The following TXNDC16 variants were observed in gnomAD, a reference collection of about 807,000 sequenced individuals.
The protein encoded by TXNDC16 is thioredoxin domain containing 16, also known as thioredoxin domain-containing protein 16.
TXNDC16 carries 74 observed loss-of-function variants against 85.6 expected under a neutral mutation model. That is an observed-to-expected ratio of 0.86 (90% CI 0.72 to 1.05). TXNDC16 has a LOEUF of 1.05. Among genes scored for constraint, TXNDC16 ranks in the 50% least tolerant of loss-of-function variants. The probability of loss-of-function intolerance (pLI) is 0.00; values close to 1 mark genes in which losing one functional copy is unlikely to be tolerated. For synonymous variants in TXNDC16, 335 were observed against 326.5 expected, an observed-to-expected ratio of 1.03 and a Z score of -0.28; for missense variants, 959 against 947.0, an observed-to-expected ratio of 1.01 and a Z score of -0.17.
chr14:52,456,105 T>C (rs2035527397), intron 17 of TXNDC16, among the ~76,000 whole-genome samples: 1 of 152,246 alleles, frequency 6.6e-6, no homozygotes, highest in Non-Finnish European at 1.5e-5. Context: ...AAGAAAGCTT[T>C]GTGTAAAATT....
intron 9 of TXNDC16, among the ~76,000 whole-genome samples, chr14:52,500,604 G>A (rs963007369): frequency 6.6e-5 from 10 of 152,012 alleles, no homozygotes; most frequent in Non-Finnish European, 1.3e-4. Flanking sequence ...AATCTTACAC[G>A]GTTTTTACAA....
At chr14:52,544,867 T>A (rs192311969) in intron 1 of TXNDC16, among the ~76,000 whole-genome samples, 2 of 152,048 alleles carry the variant, frequency 1.3e-5, no homozygotes, top group Non-Finnish European at 2.9e-5. Flanking sequence ...AAGAGGTATA[T>A]AAAAATGCAA....
At chr14:52,542,090 A>G (rs2037843292) in intron 4 of TXNDC16, among the ~76,000 whole-genome samples, 1 of 152,164 alleles carries the variant, frequency 6.6e-6, no homozygotes, top group African/African-American at 2.4e-5. Flanking sequence ...ACCTAACTAT[A>G]GGTTTGAAAA....
intron 9 of TXNDC16, among the ~76,000 whole-genome samples, chr14:52,510,643 C>A (rs1369522250): frequency 1.3e-5 from 2 of 152,206 alleles, no homozygotes; most frequent in African/African-American, 4.8e-5. Context: ...AATACACATG[C>A]ACCACTTTTA....
intron 4 of TXNDC16, among the ~76,000 whole-genome samples, chr14:52,540,715 T>C (rs993657303): frequency 3.3e-5 from 5 of 152,308 alleles, no homozygotes; most frequent in African/African-American, 1.2e-4. Context: ...AAATGACTTG[T>C]GAATGTGTTT....
chr14:52,432,624 A>G lies in TXNDC16; in HGVS notation c.2195-37T>C, dbSNP rs778284179. On this transcript the variant is annotated intron_variant, in intron 20 of 20. Coordinates refer to ENST00000281741, the MANE Select transcript of TXNDC16 (RefSeq NM_020784.3). Reference sequence around the variant, plus strand: ...AAACAATCAAAGGTTAAAGATTAACAGCTATAAATCGTCACATCAACATAT... The same window carrying G: ...AAACAATCAAAGGTTAAAGATTAACGGCTATAAATCGTCACATCAACATAT... The G allele has an allele frequency of 3.3e-6, 5 of 1,538,322 alleles. No individual in the cohort carries two copies. In the Admixed American group the frequency reaches 1.1e-4, roughly 33 times the overall value.
intron 4 of TXNDC16, among the ~76,000 whole-genome samples, 155 bp downstream of exon 4, chr14:52,542,216 C>G (rs1006822384): frequency 3.3e-5 from 5 of 152,078 alleles, no homozygotes; most frequent in Admixed American, 3.3e-4. Context: ...TAACCTGAAA[C>G]TATCTTTCTG....
chr14:52,456,054 C>A (rs2035526064), intron 17 of TXNDC16, among the ~76,000 whole-genome samples: 1 of 152,186 alleles, frequency 6.6e-6, no homozygotes, highest in Admixed American at 6.5e-5. Flanking sequence ...CTCCCACAAT[C>A]CCTTTCGCTA....
intron 16 of TXNDC16, among the ~76,000 whole-genome samples, chr14:52,463,459 C>T (rs1594699080): frequency 6.6e-6 from 1 of 152,134 alleles, no homozygotes; most frequent in African/African-American, 2.4e-5. Context: ...ATCAAAGAAC[C>T]ATTTGCGGCT....
At chr14:52,528,979 A>G (rs948112371) in intron 6 of TXNDC16, among the ~76,000 whole-genome samples, 3 of 147,764 alleles carry the variant, frequency 2.0e-5, no homozygotes, top group Non-Finnish European at 4.5e-5. Flanking sequence ...CCTATTCTAT[A>G]TAATCTATAT....
intron 12 of TXNDC16, among the ~76,000 whole-genome samples, chr14:52,486,567 T>C (rs780893922): frequency 3.2e-4 from 49 of 152,182 alleles, no homozygotes; most frequent in Non-Finnish European, 6.6e-4. Flanking sequence ...TCTGATTCCA[T>C]TTTGCTGATT....
At position 52,482,939 on chromosome 14, in the gene TXNDC16, T is replaced by TCCCTTCCTATC; in HGVS notation, c.1134_1135insGATAGGAAGGG (p.Thr379AspfsTer22). Reference sequence around the variant, plus strand: ...TTTCTCTTCCTATCTCTGAAAACAGTTTCTGCCACTTCATCATCCTGAACA... The same window carrying TCCCTTCCTATC: ...TTTCTCTTCCTATCTCTGAAAACAGTCCCTTCCTATCTTCTGCCACTTCATCATCCTGAACA... On this transcript the variant is annotated frameshift_variant, in exon 13 of 21. Transcript: ENST00000281741. LOFTEE classifies it high-confidence loss of function. 6.2e-7 allele frequency: 1 copy of TCCCTTCCTATC among 1,609,254 alleles called. No homozygotes were observed. Among genetic ancestry groups the TCCCTTCCTATC allele is most frequent in the South Asian group, 1.1e-5 (1 of 90,542 alleles).
Position 52,440,553 on chromosome 14 carries a change from C to T in TXNDC16, c.2003+11G>A, listed in dbSNP as rs931645873. ...TACCTCTTACATATTAAAAAATAAA[C>T]ACATACTTACAGATTTAACCAGCAT... On this transcript the variant is annotated intron_variant, in intron 19 of 20. Transcript: ENST00000281741. The T allele has an allele frequency of 6.5e-7, 1 of 1,542,338 alleles. No homozygotes were observed. Among genetic ancestry groups the T allele is most frequent in the South Asian group, 1.3e-5 (1 of 78,142 alleles).
At position 52,488,427 on chromosome 14, in the gene TXNDC16, T is replaced by G. The variant is rs951010824; in HGVS notation, c.1044A>C (p.Glu348Asp). 1.5e-5 allele frequency: 24 copies of G among 1,612,766 alleles called. No homozygotes were observed. The highest frequency in any genetic ancestry group is 5.0e-5 in the Admixed American group (3 of 59,956). ...HDVDLIISHV[E>D]NNMHIEEIQE... Reference sequence around the variant, plus strand: ...GTATTTCCTCAATGTGCATATTATTTTCCACATGAGATATTATTAAATCAA... The same window carrying G: ...GTATTTCCTCAATGTGCATATTATTGTCCACATGAGATATTATTAAATCAA... The change falls in exon 12 of 21, where the codon GAA becomes GAC. Residue 348 changes from glutamate to aspartate, a missense_variant. By Grantham distance (45) the Glu-to-Asp change is conservative. Transcript: ENST00000281741.
intron 11 of TXNDC16, 36 bp downstream of exon 11, chr14:52,490,355 A>G (rs774265880): frequency 7.0e-7 from 1 of 1,432,832 alleles, no homozygotes; most frequent in Non-Finnish European, 9.4e-7. Flanking sequence ...TCTTTAAATA[A>G]ACAGATATTG....
chr14:52,434,293 T>C (rs761817945), intron 20 of TXNDC16, among the ~76,000 whole-genome samples: 9 of 152,242 alleles, frequency 5.9e-5, no homozygotes, highest in East Asian at 1.9e-4. Context: ...TCTGAGACTA[T>C]GACAAAATGC....
chr14:52,505,963 G>T (rs1218190199), intron 9 of TXNDC16, among the ~76,000 whole-genome samples: 5 of 152,162 alleles, frequency 3.3e-5, no homozygotes, highest in African/African-American at 1.2e-4. Context: ...AAATAAACTA[G>T]AAAATCTAGA....
chr14:52,549,890 G>C (rs573022492), intron 1 of TXNDC16, among the ~76,000 whole-genome samples: 1 of 152,222 alleles, frequency 6.6e-6, no homozygotes, highest in Admixed American at 6.5e-5. Flanking sequence ...GCCCACCTTG[G>C]CTTCCCAAAG....
At chr14:52,432,627 T>G (rs1413774373) in intron 20 of TXNDC16, 40 bp from the exon 21 acceptor site, 24 of 1,523,426 alleles carry the variant, frequency 1.6e-5, no homozygotes, top group Non-Finnish European at 2.0e-5. Context: ...GATTAACAGC[T>G]ATAAATCGTC....
Sources: allele counts gnomAD v4.1 joint callset (sites outside exome capture counted in the v4.1 genomes callset), GRCh38; gene constraint gnomAD v4.1.1; transcripts MANE v1.5; gene names NCBI Gene and HGNC (gene_info 2026-07-23, HGNC 2026-07-21).